Variants in GCN1 observed in about 807,000 individuals in gnomAD.
GCN1 encodes GCN1 activator of EIF2AK4.
Under a neutral mutation model 288.4 loss-of-function variants are expected in GCN1, and 90 were observed. The observed-to-expected ratio is 0.31, with a 90% CI of 0.26 to 0.37. The LOEUF is 0.37. Among genes scored for constraint, GCN1 ranks in the 10% least tolerant of loss-of-function variants. The pLI is 1.00. For missense variants in GCN1, 2,586 were observed against 3,419.9 expected (o/e 0.76, Z 6.08); for synonymous variants, 1,386 against 1,420.2 (o/e 0.98, Z 0.54).
In GCN1 at chr12:120,151,320, G is replaced by A; in HGVS notation, c.4134C>T (p.Ile1378=). 1 of 1,614,022 alleles carries A rather than the reference G, an allele frequency of 6.2e-7. No homozygotes were observed. The highest frequency in any genetic ancestry group is 1.3e-5 in the African/African-American group (1 of 75,056). ...CCAGCAGCTGCTGCATAAGCCTCTG[G>A]ATCATCCCTCCAGCATCCTCCTTGA... ...PAIKEDAGGM[I]QRLMQQLLES... is the part of the protein sequence containing the mutation. The change falls in exon 34 of 58, where the codon ATC becomes ATT. Residue 1378 remains isoleucine, a synonymous_variant. Coordinates refer to ENST00000300648, the MANE Select transcript of GCN1 (RefSeq NM_006836.2).
rs1877805933 is a variant in GCN1 at position 120,157,999 on chromosome 12, G to C, written c.2937C>G (p.Ser979=). The part of the protein sequence containing the change: ...GAAPLSAPAF[S]LVFPFLKMVL... ...CCATCTTCAGAAACGGGAAGACTAAGGAGAAGGCTGGCGCGGACAAGGGCG... is the reference window on the plus strand; with the variant it reads ...CCATCTTCAGAAACGGGAAGACTAACGAGAAGGCTGGCGCGGACAAGGGCG... Residue 979 remains serine, a synonymous_variant, in exon 26 of 58, where the codon TCC becomes TCG. Coordinates refer to ENST00000300648, the MANE Select transcript of GCN1 (RefSeq NM_006836.2). The C allele has an allele frequency of 6.2e-7, 1 of 1,613,864 alleles. No individual in the cohort carries two copies. Among genetic ancestry groups the C allele is most frequent in the Non-Finnish European group, 8.5e-7 (1 of 1,180,050 alleles).
At position 120,163,197 on chromosome 12, in the gene GCN1, G is replaced by A. The variant is rs764027643; in HGVS notation, c.1911C>T (p.Tyr637=). 1.4e-5 allele frequency: 22 copies of A among 1,613,778 alleles called. No individual in the cohort carries two copies. The highest frequency in any genetic ancestry group is 4.5e-5 in the East Asian group (2 of 44,894). ...CCTCCTGCAGGACCCGTGGAGGCAC[G>A]TAGGCCTTGCCTGCCTCAGTCACCT... is the stretch of plus-strand genomic sequence containing the variant. The part of the protein sequence containing the change: ...AGEVTEAGKA[Y]VPPRVLQEAL... The change falls in exon 19 of 58, where the codon TAC becomes TAT. Residue 637 remains tyrosine, a synonymous_variant. Transcript: ENST00000300648.
Position 120,131,996 on chromosome 12 carries a change from C to T in GCN1, c.7344G>A (p.Gly2448=), listed in dbSNP as rs1372571512. The T allele has an allele frequency of 6.3e-7, 1 of 1,599,950 alleles. No individual in the cohort carries two copies. Among genetic ancestry groups the T allele is most frequent in the Admixed American group, 1.7e-5 (1 of 58,310 alleles). Residue 2448 remains glycine, a synonymous_variant, in exon 54 of 58, where the codon GGG becomes GGA. Transcript: ENST00000300648. ...DEDNTRISSA[G]CLGELCAFLT... is the part of the protein sequence containing the mutation. ...AAAAGGCACACAGTTCCCCTAGGCA[C>T]CCGGCTGAGGAGATGCGAGTGTTGT...
rs779739654 is a variant in GCN1 at position 120,163,262 on chromosome 12, G to A, written c.1849-3C>T. ...ACCAAAGCCTCTAAGGGCAGCACCT[G>A]TGTGGAGACACATGAGATAATACTG... On this transcript the variant is annotated splice_region_variant and splice_polypyrimidine_tract_variant and intron_variant, in intron 18 of 57. Transcript: ENST00000300648. 2.4e-5 allele frequency: 39 copies of A among 1,612,210 alleles called. No homozygotes were observed. The highest frequency in any genetic ancestry group is 3.3e-4 in the Middle Eastern group (2 of 6,080).
rs540222335 is a variant in GCN1 at position 120,154,803 on chromosome 12, C to T, written c.3701+167G>A. 1.9e-3 allele frequency among the ~76,000 whole-genome samples: 283 copies of T among 152,308 alleles called. 1 individual carries two copies. The highest frequency in any genetic ancestry group is 6.9e-4 in the Non-Finnish European group (47 of 68,030). On this transcript the variant is annotated intron_variant, in intron 31 of 57. Transcript: ENST00000300648. ...CTCTTCTGAAAGATGGTGCCTCACACGGTCCAATCCCACCCCTTCCAGGGG... is the reference window on the plus strand; with the variant it reads ...CTCTTCTGAAAGATGGTGCCTCACATGGTCCAATCCCACCCCTTCCAGGGG...
chr12:120,137,749 G>A lies in GCN1; in HGVS notation c.6459C>T (p.Ile2153=), dbSNP rs201585823. Residue 2153 remains isoleucine, a synonymous_variant, in exon 49 of 58, where the codon ATC becomes ATT. Coordinates refer to ENST00000300648, the MANE Select transcript of GCN1 (RefSeq NM_006836.2). This position sits in a 1 kb window ranked among gnomAD's most constrained non-coding sequence, Gnocchi z 5.2. ...VEDDTGHRII[I]EDLLEATRSP... ...TGCGGGTGGCCTCCAGCAGATCCTC[G>A]ATGATGATCCGGTGCCCTGTGTCAT... The A allele has an allele frequency of 1.1e-5, 17 of 1,613,986 alleles. No individual in the cohort carries two copies. Among genetic ancestry groups the A allele is most frequent in the Admixed American group, 1.7e-5 (1 of 60,004 alleles).
intron 31 of GCN1, among the ~76,000 whole-genome samples, chr12:120,154,312 G>T (rs559171200): frequency 4.4e-4 from 67 of 152,246 alleles, no homozygotes; most frequent in Non-Finnish European, 9.1e-4. Flanking sequence ...ATGGAGCAAA[G>T]AATCTGTGTC....
At chr12:120,182,934 C>CAAA (rs1056569798) in intron 5 of GCN1, among the ~76,000 whole-genome samples, 25 of 89,668 alleles carry the variant, frequency 2.8e-4, no homozygotes, top group African/African-American at 7.1e-4. Context: ...GACTCCGTCT[C>CAAA]AAAAAAAAAA....
At chr12:120,128,095 G>A in intron 57 of GCN1, 121 bp from the exon 58 acceptor site, 1 of 945,110 alleles carries the variant, frequency 1.1e-6, no homozygotes, top group Non-Finnish European at 1.6e-6. Flanking sequence ...GTGGACTCTG[G>A]CAAAATAAGG....
Position 120,177,563 on chromosome 12 carries a change from GA to G in GCN1, c.730-9del. On this transcript the variant is annotated splice_polypyrimidine_tract_variant and intron_variant, in intron 8 of 57. Transcript: ENST00000300648. ...CAGAGGGGCACAGCTATCCTACAAA[GA>G]AAAAGGAATAAGGCACCTAGCCCTC... is the stretch of plus-strand genomic sequence containing the variant. 2 of 1,594,800 alleles carry G rather than the reference GA, an allele frequency of 1.3e-6. No homozygotes were observed. The highest frequency in any genetic ancestry group is 8.6e-7 in the Non-Finnish European group (1 of 1,162,686).
At chr12:120,169,763 A>T (rs986938516) in intron 15 of GCN1, among the ~76,000 whole-genome samples, 5 of 152,222 alleles carry the variant, frequency 3.3e-5, no homozygotes, top group African/African-American at 1.2e-4. Flanking sequence ...CGGCCTCCCA[A>T]AGTGCAAAAT....
chr12:120,148,217 T>C lies in GCN1; in HGVS notation c.4676A>G (p.Gln1559Arg). ...DSHVKVQKAG[Q>R]QALRQIGSVI... The stretch of plus-strand genomic sequence containing the variant: ...GGAGCCGATCTGCCTGAGCGCCTGC[T>C]GTCCAGCCTTCTGGACTTTGACATG... Residue 1559 changes from glutamine (Q) to arginine (R), a missense_variant, in exon 37 of 58, where the codon CAG (glutamine) becomes CGG (arginine). This residue lies in a region of GCN1 where 371 missense variants were observed against 572.6 expected (regional missense o/e 0.65). Coordinates refer to ENST00000300648, the MANE Select transcript of GCN1 (RefSeq NM_006836.2). 1 of 1,614,080 alleles carries C rather than the reference T, an allele frequency of 6.2e-7. No individual in the cohort carries two copies. The highest frequency in any genetic ancestry group is 8.5e-7 in the Non-Finnish European group (1 of 1,179,954).
In GCN1 at chr12:120,142,690, C is replaced by T; in HGVS notation, c.5646G>A (p.Arg1882=). ...TGTACAGCCCTGCCAACACCCGGTT[C>T]CGCCGCTCTACCCCCAGGGCAGTGA... ...AIITALGVER[R]NRVLAGLYMG... is the part of the protein sequence containing the mutation. Residue 1882 remains arginine, a synonymous_variant, in exon 44 of 58, where the codon CGG becomes CGA. Coordinates refer to ENST00000300648, the MANE Select transcript of GCN1 (RefSeq NM_006836.2). This position sits in a 1 kb window ranked among gnomAD's most constrained non-coding sequence, Gnocchi z 4.9. 4 of 1,614,100 alleles carry T rather than the reference C, an allele frequency of 2.5e-6. No individual in the cohort carries two copies. The highest frequency in any genetic ancestry group is 3.4e-6 in the Non-Finnish European group (4 of 1,180,040).
chr12:120,147,972 GC>G (rs1877415280), intron 37 of GCN1, among the ~76,000 whole-genome samples, 194 bp downstream of exon 37: 1 of 152,220 alleles, frequency 6.6e-6, no homozygotes. Context: ...TTGACCTCAT[GC>G]TCAGCTTAGT....
chr12:120,146,974 T>C (rs1391572430), intron 38 of GCN1, 78 bp downstream of exon 38: 9 of 770,964 alleles, frequency 1.2e-5, no homozygotes, highest in African/African-American at 1.7e-5. Flanking sequence ...CCATGTCTAA[T>C]GTGGGGACTC....
At chr12:120,149,780 A>G (rs1877480911) in intron 35 of GCN1, 60 bp from the exon 36 acceptor site, 1 of 1,525,236 alleles carries the variant, frequency 6.6e-7, no homozygotes, top group Non-Finnish European at 9.1e-7. Flanking sequence ...GCAAGGCCTG[A>G]CACCAGTCCT....
chr12:120,181,568 A>G (rs1034402903), intron 5 of GCN1, among the ~76,000 whole-genome samples: 8 of 151,472 alleles, frequency 5.3e-5, no homozygotes, highest in African/African-American at 1.7e-4. Context: ...GACCAGGTGC[A>G]GTGGCTCATG....
rs914906562 is a variant in GCN1 at position 120,158,116 on chromosome 12, G to C, written c.2906-86C>G. On this transcript the variant is annotated intron_variant, in intron 25 of 57. Coordinates refer to ENST00000300648, the MANE Select transcript of GCN1 (RefSeq NM_006836.2). This position sits in a 1 kb window ranked among gnomAD's most constrained non-coding sequence, Gnocchi z 4.3. ...CCTATTTCTATCCTCAGGGAAAGTA[G>C]GGAACGGATGGACCAGAGGCCCGTT... 4.4e-6 allele frequency: 6 copies of C among 1,348,950 alleles called. No homozygotes were observed. In the African/African-American group the frequency reaches 7.2e-5, roughly 16 times the overall value. The allele number at this position is 1,348,950 out of a possible 1,614,324, so 83.6% of individuals were successfully genotyped here. A position where few individuals can be genotyped will look rare whatever the true frequency, so the allele number is the denominator to read the frequency against.
intron 38 of GCN1, 39 bp downstream of exon 38, chr12:120,147,013 T>A (rs1378612953): frequency 7.7e-7 from 1 of 1,290,338 alleles, no homozygotes; most frequent in African/African-American, 1.5e-5. Flanking sequence ...CTCAAACATC[T>A]TCTGGTCTAT....
Sources: allele counts gnomAD v4.1 joint callset (sites outside exome capture counted in the v4.1 genomes callset), GRCh38; gene constraint gnomAD v4.1.1; regional missense constraint gnomAD v4.1.1; non-coding constraint Gnocchi (gnomAD v3.1); transcripts MANE v1.5; gene names NCBI Gene and HGNC (gene_info 2026-07-23, HGNC 2026-07-21).